The following FAM107A variants were observed in gnomAD, a reference collection of about 807,000 sequenced individuals.
FAM107A encodes the protein family with sequence similarity 107 member A, also known as actin-associated protein FAM107A.
A neutral mutation model predicts 13.7 loss-of-function variants in FAM107A; 19 were observed. The ratio of observed to expected loss-of-function variants is 1.38; its 90% CI spans 0.97 to 2.03. FAM107A has a LOEUF of 2.03. FAM107A is among the 30% of genes most tolerant of loss of function. The pLI is 0.00. For missense variants in FAM107A, 203 were observed against 184.4 expected (o/e 1.10, Z -0.58); for synonymous variants, 82 against 74.5 (o/e 1.10, Z -0.52).
At chr3:58,601,721 G>T (rs2108071671) in intron 1 of FAM107A, among the ~76,000 whole-genome samples, 2 of 152,262 alleles carry the variant, frequency 1.3e-5, no homozygotes, top group East Asian at 3.9e-4. Flanking sequence ...CTTGGTATAT[G>T]TACAATCGCA....
At chr3:58,572,329 G>GAAA (rs1488618629) in intron 1 of FAM107A, among the ~76,000 whole-genome samples, 1 of 151,908 alleles carries the variant, frequency 6.6e-6, no homozygotes, top group Non-Finnish European at 1.5e-5. Flanking sequence ...CAATGAAAAC[G>GAAA]AAAGACCACA....
At chr3:58,594,674 A>G (rs1265111267) in intron 1 of FAM107A, among the ~76,000 whole-genome samples, 2 of 152,226 alleles carry the variant, frequency 1.3e-5, no homozygotes, top group Non-Finnish European at 2.9e-5. Context: ...TCCCCTGATG[A>G]CACCAACACT....
intron 1 of FAM107A, among the ~76,000 whole-genome samples, chr3:58,600,291 G>T (rs376844971): frequency 4.6e-5 from 7 of 152,148 alleles, no homozygotes; most frequent in African/African-American, 1.7e-4. Context: ...CAGACAAGGA[G>T]GTGAGGCCTC....
chr3:58,584,186 C>G (rs9811290), intron 1 of FAM107A, among the ~76,000 whole-genome samples: 5,358 of 152,174 alleles, frequency 0.035, 331 homozygotes, highest in African/African-American at 0.12. Context: ...AGTTGTATGA[C>G]CTTAGACAAG....
chr3:58,612,086 A>T (rs1559486189), intron 1 of FAM107A, among the ~76,000 whole-genome samples: 1 of 152,124 alleles, frequency 6.6e-6, no homozygotes, highest in Admixed American at 6.5e-5. Flanking sequence ...TCACATACAC[A>T]TAGCATTTTG....
At chr3:58,597,562 C>T (rs935380156) in intron 1 of FAM107A, among the ~76,000 whole-genome samples, 1 of 152,196 alleles carries the variant, frequency 6.6e-6, no homozygotes, top group East Asian at 1.9e-4. Context: ...GTAACTTATT[C>T]AGGGATGTGT....
At chr3:58,575,518 A>G (rs532118482) in intron 1 of FAM107A, among the ~76,000 whole-genome samples, 491 of 31,130 alleles carry the variant, frequency 0.016, 3 homozygotes, top group African/African-American at 0.023. Context: ...AGGCCAAGCT[A>G]CTTGTCTCGA....
chr3:58,567,225 G>T lies in FAM107A; in HGVS notation c.310C>A (p.Gln104Lys), dbSNP rs767934737. The change falls in exon 3 of 4, where the codon CAG becomes AAG. Residue 104 changes from glutamine (Q) to lysine (K), a missense_variant. Coordinates refer to ENST00000360997, the MANE Select transcript of FAM107A (RefSeq NM_001076778.3). ...TCACCCACCTGGTTCAGCCTCTGCT[G>T]CCGTCTCAGCAGCTCCTGCTCAAAG... ...CPFEQELLRRQQRLNQLEKPP... is the reference protein window; with the variant it reads ...CPFEQELLRRKQRLNQLEKPP... The T allele has an allele frequency of 6.2e-7, 1 of 1,614,180 alleles. No homozygotes were observed. Among genetic ancestry groups the T allele is most frequent in the Non-Finnish European group, 8.5e-7 (1 of 1,180,026 alleles).
chr3:58,596,475 C>T (rs1056642560), intron 1 of FAM107A, among the ~76,000 whole-genome samples: 2 of 152,076 alleles, frequency 1.3e-5, no homozygotes, highest in Admixed American at 6.6e-5. Flanking sequence ...CTCAGGAGTT[C>T]GAGACCAGCC....
chr3:58,577,377 T>C lies in FAM107A; in HGVS notation c.-74A>G. The C allele has an allele frequency of 1.8e-5, 18 of 985,290 alleles. No individual in the cohort carries two copies. The highest frequency in any genetic ancestry group is 2.2e-5 in the Non-Finnish European group (18 of 829,920). 61.0% of individuals were successfully genotyped at this position (985,290 alleles called of 1,614,324 possible). ...CTGGGTTCCTCACTCCACCGGGAAG[T>C]CCCAGACTAGCAAGGAGGGCTGCCT... On this transcript the variant is annotated 5_prime_UTR_variant, in exon 1 of 4. Coordinates refer to ENST00000360997, the MANE Select transcript of FAM107A (RefSeq NM_001076778.3). This position sits in a 1 kb window ranked among gnomAD's most constrained non-coding sequence, Gnocchi z 4.9.
At chr3:58,597,089 C>T (rs1480885305) in intron 1 of FAM107A, among the ~76,000 whole-genome samples, 2 of 152,188 alleles carry the variant, frequency 1.3e-5, no homozygotes, top group Non-Finnish European at 2.9e-5. Flanking sequence ...TTTGCTGATA[C>T]ATTCTCCTGA....
At chr3:58,590,255 A>G (rs2065644829), upstream of FAM107A, among the ~76,000 whole-genome samples, 1 of 152,198 alleles carries the variant, frequency 6.6e-6, no homozygotes, top group African/African-American at 2.4e-5. Context: ...ATCTCAGCAC[A>G]TGGCTCTACT....
upstream of FAM107A, chr3:58,589,230 C>A (rs192634091): frequency 6.5e-7 from 1 of 1,535,452 alleles, no homozygotes; most frequent in South Asian, 1.2e-5. Context: ...CTCTGCTTCT[C>A]ATTTTCACTA....
At chr3:58,584,885 C>A (rs367896912) in intron 1 of FAM107A, among the ~76,000 whole-genome samples, 1 of 152,222 alleles carries the variant, frequency 6.6e-6, no homozygotes, top group African/African-American at 2.4e-5. Context: ...GCTCGGCCCC[C>A]CTCCCGCCCT....
At chr3:58,627,194 G>A (rs1016377196) in intron 1 of FAM107A, 7 of 586,394 alleles carry the variant, frequency 1.2e-5, no homozygotes, top group African/African-American at 3.7e-5. Flanking sequence ...GGCTTAGGGC[G>A]ATTGATCCTG....
chr3:58,608,979 C>T (rs1229235548), intron 1 of FAM107A: 1 of 152,208 alleles, frequency 6.6e-6, no homozygotes, highest in Non-Finnish European at 1.5e-5. Flanking sequence ...TGGACACCTT[C>T]CTGAGATCTG....
intron 1 of FAM107A, among the ~76,000 whole-genome samples, chr3:58,623,057 G>T (rs964612674): frequency 1.7e-4 from 26 of 152,194 alleles, no homozygotes; most frequent in African/African-American, 5.8e-4. Flanking sequence ...GGAATCCTCT[G>T]CTGGGCTTGG....
chr3:58,598,435 G>C (rs980765366), intron 1 of FAM107A, among the ~76,000 whole-genome samples: 49 of 152,254 alleles, frequency 3.2e-4, no homozygotes, highest in African/African-American at 1.1e-3. Context: ...CAGCCCCTTA[G>C]GTCTCAGAGA....
chr3:58,621,345 C>G (rs1251532487), intron 1 of FAM107A, among the ~76,000 whole-genome samples: 1 of 152,158 alleles, frequency 6.6e-6, no homozygotes, highest in Non-Finnish European at 1.5e-5. Flanking sequence ...ACCTGTGCAG[C>G]TGCACAGGGC....
Sources: gnomAD v4.1 joint callset for allele counts (sites outside exome capture counted in the v4.1 genomes callset) on GRCh38, gnomAD v4.1.1 for gene constraint, Gnocchi (gnomAD v3.1) non-coding constraint, MANE v1.5 for transcripts, NCBI Gene and HGNC (gene_info 2026-07-23, HGNC 2026-07-21) for gene names.